The following ARID4A variants were observed in gnomAD, a reference collection of about 807,000 sequenced individuals.
ARID4A encodes the protein AT-rich interactive domain-containing protein 4A.
ARID4A carries 39 observed loss-of-function variants against 148.6 expected under a neutral mutation model. That is an observed-to-expected ratio of 0.26 (90% CI 0.20 to 0.34). The LOEUF is 0.34. Ranked by LOEUF, ARID4A falls within the 10% of genes least tolerant of loss-of-function variation. The probability of loss-of-function intolerance (pLI) is 1.00; values close to 1 mark genes in which losing one functional copy is unlikely to be tolerated. For missense variants in ARID4A, 1,265 were observed against 1,449.1 expected (o/e 0.87, Z 2.06); for synonymous variants, 475 against 481.2 (o/e 0.99, Z 0.17).
chr14:58,362,464 C>T (rs1015016644), intron 19 of ARID4A, among the ~76,000 whole-genome samples: 1 of 151,796 alleles, frequency 6.6e-6, no homozygotes, highest in Admixed American at 6.6e-5. Context: ...GTGGTGTGCA[C>T]CTGTGGTCCC....
chr14:58,364,885 T>C lies in ARID4A; in HGVS notation c.2796T>C (p.Ser932=). ...AACTGACTAGTGAAAGATTTGATAG[T>C]CCAGCTGAAGAAACTGTAAATATTC... The part of the protein sequence containing the change: ...IQQLTSERFD[S]PAEETVNIPL... Residue 932 remains serine, a synonymous_variant, in exon 20 of 24, where the codon AGT becomes AGC. Coordinates refer to ENST00000355431, the MANE Select transcript of ARID4A (RefSeq NM_002892.4). 2 of 1,614,128 alleles carry C rather than the reference T, an allele frequency of 1.2e-6. No individual in the cohort carries two copies. The highest frequency in any genetic ancestry group is 2.2e-5 in the South Asian group (2 of 91,078).
chr14:58,324,977 G>A (rs1387945427), intron 8 of ARID4A, among the ~76,000 whole-genome samples: 3 of 152,028 alleles, frequency 2.0e-5, no homozygotes, highest in Admixed American at 6.6e-5. Context: ...AAAACAATTT[G>A]GTACTGAATG....
At chr14:58,349,692 C>T (rs573512641) in intron 15 of ARID4A, among the ~76,000 whole-genome samples, 27 of 151,282 alleles carry the variant, frequency 1.8e-4, no homozygotes, top group Middle Eastern at 3.5e-3. Flanking sequence ...CTAGCCTGGT[C>T]GATAGAGCGA....
intron 4 of ARID4A, among the ~76,000 whole-genome samples, chr14:58,305,323 G>GT (rs1358541136): frequency 6.6e-6 from 1 of 152,088 alleles, no homozygotes; most frequent in African/African-American, 2.4e-5. Context: ...CTGAGGTGAT[G>GT]TTTAGCCTTC....
In ARID4A at chr14:58,364,325, G is replaced by A; in HGVS notation, c.2236G>A (p.Glu746Lys). ...AAAGATTTCTGCACATATATTAAAA[G>A]AAAATGATAGGACTCAAATGCAGCC... is the stretch of plus-strand genomic sequence containing the variant. ...NPKISAHILK[E>K]NDRTQMQPLE... Residue 746 changes from glutamate (E) to lysine (K), a missense_variant, in exon 20 of 24, where the codon GAA becomes AAA. Physicochemically the swap from Glu to Lys is moderately conservative, Grantham distance 56 (BLOSUM62 1). This residue lies in a region of ARID4A where 666 missense variants were observed against 730.9 expected (regional missense o/e 0.91). Transcript: ENST00000355431. 1 of 1,572,128 alleles carries A rather than the reference G, an allele frequency of 6.4e-7. No individual in the cohort carries two copies. The highest frequency in any genetic ancestry group is 8.6e-7 in the Non-Finnish European group (1 of 1,168,438).
chr14:58,316,826 C>T (rs557817321), intron 5 of ARID4A, among the ~76,000 whole-genome samples: 155 of 152,166 alleles, frequency 1.0e-3, no homozygotes, highest in Non-Finnish European at 6.2e-4. Context: ...GTGGTCCGCC[C>T]GCCTCGGCCT....
At chr14:58,371,027 C>T (rs1458647609) in intron 23 of ARID4A, among the ~76,000 whole-genome samples, 2 of 152,050 alleles carry the variant, frequency 1.3e-5, no homozygotes, top group African/African-American at 2.4e-5. Context: ...ATGGGGCTCA[C>T]GCTTATAATT....
At chr14:58,303,657 A>C (rs2140132611) in intron 3 of ARID4A, 9 of 417,232 alleles carry the variant, frequency 2.2e-5, no homozygotes, top group South Asian at 1.2e-4. Context: ...TAGAGCAGTG[A>C]TTCCTAAAGG....
In ARID4A at chr14:58,305,126, C is replaced by T. The variant is rs1331363504; in HGVS notation, c.183+117C>T. ...TGAGAACGTTAATCAGAAAACAATA[C>T]ATATGAAGGGTTTAAATATAATTAG... On this transcript the variant is annotated intron_variant, in intron 4 of 23. Coordinates refer to ENST00000355431, the MANE Select transcript of ARID4A (RefSeq NM_002892.4). The T allele has an allele frequency of 5.1e-6, 4 of 791,978 alleles. No homozygotes were observed. In the East Asian group the frequency reaches 1.1e-4, roughly 22 times the overall value. The allele number at this position is 791,978 out of a possible 1,614,324, so 49.1% of individuals were successfully genotyped here. A position where few individuals can be genotyped will look rare whatever the true frequency, so the allele number is the denominator to read the frequency against.
Position 58,359,157 on chromosome 14 carries a change from A to C in ARID4A, c.1879A>C (p.Arg627=). The stretch of plus-strand genomic sequence containing the variant: ...GTATGATGAGTGGGTGAAGGCTGAC[A>C]GGATAATCTGGCCTTTGGACAAAGG... ...VRYDEWVKAD[R]IIWPLDKGGP... is the part of the protein sequence containing the mutation. The change falls in exon 18 of 24, where the codon AGG becomes CGG. Residue 627 remains arginine, a synonymous_variant. Transcript: ENST00000355431. The C allele has an allele frequency of 1.3e-6, 2 of 1,583,946 alleles. No homozygotes were observed. The highest frequency in any genetic ancestry group is 1.7e-6 in the Non-Finnish European group (2 of 1,169,480).
chr14:58,346,556 A>G (rs892281413), intron 13 of ARID4A, 51 bp downstream of exon 13: 2 of 1,252,770 alleles, frequency 1.6e-6, no homozygotes, highest in Non-Finnish European at 2.3e-6. Flanking sequence ...TAAAAAGTTA[A>G]GTTATCTTAT....
intron 3 of ARID4A, 151 bp downstream of exon 3, chr14:58,301,841 T>TA (rs1219771383): frequency 1.2e-5 from 6 of 506,982 alleles, no homozygotes; most frequent in African/African-American, 2.0e-5. Context: ...AATAAAGAAA[T>TA]AAAAAACTCA....
rs112788590 is a variant in ARID4A, at chr14:58,304,712, G to T, written c.118-232G>T. ...AGTTCATTTAGTAAACAGTTATTAA[G>T]TGCTGATAATATGCATTGACACTTG... is the stretch of plus-strand genomic sequence containing the variant. On this transcript the variant is annotated intron_variant, in intron 3 of 23. Transcript: ENST00000355431. Among the ~76,000 whole-genome samples, 1,235 of 152,138 alleles carry T rather than the reference G, an allele frequency of 8.1e-3. 23 individuals carry two copies. Among genetic ancestry groups the T allele is most frequent in the African/African-American group, 0.028 (1,149 of 41,490 alleles).
intron 11 of ARID4A, among the ~76,000 whole-genome samples, chr14:58,335,311 C>CT (rs71448948): frequency 0.17 from 22,907 of 137,710 alleles, 2,035 homozygotes; most frequent in African/African-American, 0.24. Context: ...AGGATTTTAT[C>CT]TTTTTTTTTT....
chr14:58,308,652 A>G (rs985299652), intron 5 of ARID4A, among the ~76,000 whole-genome samples: 1 of 152,242 alleles, frequency 6.6e-6, no homozygotes, highest in African/African-American at 2.4e-5. Context: ...TTTAAAAAAA[A>G]CAGTACAATG....
At chr14:58,368,412 T>C (rs2035453553) in intron 23 of ARID4A, among the ~76,000 whole-genome samples, 1 of 152,224 alleles carries the variant, frequency 6.6e-6, no homozygotes, top group Non-Finnish European at 1.5e-5. Context: ...ATGTGCATTT[T>C]CTGTATTTAA....
chr14:58,364,143 A>G, intron 19 of ARID4A, 27 bp from the exon 20 acceptor site: 5 of 1,168,428 alleles, frequency 4.3e-6, no homozygotes, highest in Admixed American at 2.9e-5. Context: ...AAAAACCTGT[A>G]TAATATAATA....
intron 1 of ARID4A, among the ~76,000 whole-genome samples, chr14:58,299,128 G>T (rs1025300834): frequency 2.0e-5 from 3 of 152,210 alleles, no homozygotes; most frequent in Admixed American, 2.0e-4. Context: ...GGAGGCAGCG[G>T]CTGCTGCGGT....
rs112463604 is a variant in ARID4A at position 58,309,783 on chromosome 14, A to G, written c.274+3671A>G. On this transcript the variant is annotated intron_variant, in intron 5 of 23. Coordinates refer to ENST00000355431, the MANE Select transcript of ARID4A (RefSeq NM_002892.4). ...CTATCATCTGTATTAATGTTTTTGT[A>G]ACAAGAAGTGCTTAAGATTCAGATT... Among the ~76,000 whole-genome samples the G allele has an allele frequency of 8.1e-3, 1,238 of 152,348 alleles. 22 individuals carry two copies. The highest frequency in any genetic ancestry group is 0.028 in the African/African-American group (1,152 of 41,588).
Sources: gnomAD v4.1 joint callset for allele counts (sites outside exome capture counted in the v4.1 genomes callset) on GRCh38, gnomAD v4.1.1 for gene constraint, gnomAD v4.1.1 regional missense constraint, MANE v1.5 for transcripts, NCBI Gene and HGNC (gene_info 2026-07-23, HGNC 2026-07-21) for gene names.